Variants in ARHGAP44 observed in about 807,000 individuals in gnomAD.
ARHGAP44 encodes the protein rho GTPase-activating protein 44.
ARHGAP44 carries 43 observed loss-of-function variants against 106.8 expected under a neutral mutation model. That is an observed-to-expected ratio of 0.40 (90% CI 0.32 to 0.52). The LOEUF is 0.52. Ranked by LOEUF, ARHGAP44 falls within the 20% of genes least tolerant of loss-of-function variation. The pLI is 0.48. For synonymous variants in ARHGAP44, 439 were observed against 410.3 expected, an observed-to-expected ratio of 1.07 and a Z score of -0.85; for missense variants, 866 against 1,050.5, an observed-to-expected ratio of 0.82 and a Z score of 2.43.
chr17:12,945,694 G>A (rs576740103), intron 10 of ARHGAP44, among the ~76,000 whole-genome samples: 2 of 152,256 alleles, frequency 1.3e-5, no homozygotes, highest in Non-Finnish European at 2.9e-5. Context: ...TGTTCTAGAT[G>A]CTGGAAATTC....
At chr17:12,849,371 C>T (rs2035670262) in intron 1 of ARHGAP44, among the ~76,000 whole-genome samples, 1 of 152,028 alleles carries the variant, frequency 6.6e-6, no homozygotes, top group South Asian at 2.1e-4. Context: ...CAGCCTGACC[C>T]GTACCAATCT....
intron 16 of ARHGAP44, among the ~76,000 whole-genome samples, chr17:12,961,771 G>A (rs190482488): frequency 1.3e-5 from 2 of 152,320 alleles, no homozygotes; most frequent in East Asian, 3.9e-4. Flanking sequence ...GGTCTTACCG[G>A]TTTAGGGTGG....
chr17:12,818,859 A>G (rs920967622), intron 1 of ARHGAP44, among the ~76,000 whole-genome samples: 5 of 151,988 alleles, frequency 3.3e-5, no homozygotes, highest in African/African-American at 9.7e-5. Flanking sequence ...ATATTGATCT[A>G]TAGGTTTCGT....
chr17:12,876,943 T>C (rs1428079170), intron 1 of ARHGAP44, among the ~76,000 whole-genome samples: 3 of 151,802 alleles, frequency 2.0e-5, no homozygotes, highest in African/African-American at 7.3e-5. Flanking sequence ...AAAAGATATT[T>C]TGATAGTCCA....
At chr17:12,966,095 G>A (rs567051339) in intron 16 of ARHGAP44, among the ~76,000 whole-genome samples, 14 of 150,650 alleles carry the variant, frequency 9.3e-5, no homozygotes, top group African/African-American at 2.0e-4. Flanking sequence ...GGTGGAGGCT[G>A]TAGAGAGCTG....
At chr17:12,884,980 AACCTCC>A (rs2036841666) in intron 1 of ARHGAP44, among the ~76,000 whole-genome samples, 2 of 152,088 alleles carry the variant, frequency 1.3e-5, no homozygotes, top group Admixed American at 1.3e-4. Flanking sequence ...AGCTCACTGC[AACCTCC>A]ACCTCCTGGG....
rs1330560234 is a variant in ARHGAP44 at position 12,802,958 on chromosome 17, TATATATATA to T, written c.53+13068_53+13076del. 9.1e-3 allele frequency among the ~76,000 whole-genome samples: 267 copies of T among 29,248 alleles called. 2 individuals are homozygous for T. Among genetic ancestry groups the T allele is most frequent in the African/African-American group, 0.026 (72 of 2,798 alleles). 19.2% of individuals were successfully genotyped at this position (29,248 alleles called of 152,430 possible). A position where few individuals can be genotyped will look rare whatever the true frequency, so the allele number is the denominator to read the frequency against. Reference sequence around the variant, plus strand: ...ATATATATATATATATATATATATATATATATATATATTTTTTTTTTTTTTTTTTTTTGA... The same window carrying T: ...ATATATATATATATATATATATATATTATTTTTTTTTTTTTTTTTTTTTGA... On this transcript the variant is annotated intron_variant, in intron 1 of 20. Coordinates refer to ENST00000379672, the MANE Select transcript of ARHGAP44 (RefSeq NM_014859.6).
intron 13 of ARHGAP44, among the ~76,000 whole-genome samples, chr17:12,954,151 G>A (rs779621714): frequency 2.0e-5 from 3 of 151,834 alleles, no homozygotes; most frequent in Non-Finnish European, 4.4e-5. Context: ...GCCCGCCTCG[G>A]CCTCCCAAAG....
chr17:12,905,693 T>C (rs2037525849), intron 3 of ARHGAP44, among the ~76,000 whole-genome samples: 1 of 152,244 alleles, frequency 6.6e-6, no homozygotes, highest in Non-Finnish European at 1.5e-5. Flanking sequence ...ACTCTTGGAC[T>C]ATCAGAAGTC....
At chr17:12,796,646 G>C (rs1286373853) in intron 1 of ARHGAP44, among the ~76,000 whole-genome samples, 1 of 151,592 alleles carries the variant, frequency 6.6e-6, no homozygotes, top group Non-Finnish European at 1.5e-5. Flanking sequence ...ACCCAGCCTG[G>C]AGTGCGGTGG....
intron 1 of ARHGAP44, among the ~76,000 whole-genome samples, chr17:12,794,600 G>A (rs548656638): frequency 1.1e-3 from 162 of 152,262 alleles, no homozygotes; most frequent in African/African-American, 3.8e-3. Flanking sequence ...GGAAGGAGAA[G>A]GCTGGTTGGG....
chr17:12,929,119 G>T, intron 7 of ARHGAP44, 73 bp downstream of exon 7: 1 of 1,375,018 alleles, frequency 7.3e-7, no homozygotes, highest in Non-Finnish European at 1.0e-6. Context: ...TTGTTCACTG[G>T]AGTTCTCTTA....
intron 1 of ARHGAP44, among the ~76,000 whole-genome samples, chr17:12,883,366 ATAT>A (rs2150902382): frequency 6.6e-6 from 1 of 151,328 alleles, no homozygotes; most frequent in African/African-American, 2.4e-5. Context: ...GATTTTTACT[ATAT>A]TATTAGTTTC....
chr17:12,976,493 G>A (rs1198891752), intron 18 of ARHGAP44, among the ~76,000 whole-genome samples: 1 of 151,088 alleles, frequency 6.6e-6, no homozygotes, highest in Non-Finnish European at 1.5e-5. Context: ...TATGTCTATA[G>A]TCCCAGCTAC....
chr17:12,793,077 A>G (rs2150750780), intron 1 of ARHGAP44, among the ~76,000 whole-genome samples: 1 of 152,328 alleles, frequency 6.6e-6, no homozygotes, highest in East Asian at 1.9e-4. Context: ...CCACTGGGAC[A>G]GGTTTAGTTT....
chr17:12,924,134 C>T lies in ARHGAP44; in HGVS notation c.464+4303C>T, dbSNP rs137890312. On this transcript the variant is annotated intron_variant, in intron 6 of 20. Transcript: ENST00000379672. ...AGTAGATTTGTATATATTATCAGCACATCTTGAACAATAGTCCCATGACTG... is the reference window on the plus strand; with the variant it reads ...AGTAGATTTGTATATATTATCAGCATATCTTGAACAATAGTCCCATGACTG... Among the ~76,000 whole-genome samples, 82 of 152,342 alleles carry T rather than the reference C, an allele frequency of 5.4e-4. 1 individual carries two copies. The highest frequency in any genetic ancestry group is 1.7e-3 in the African/African-American group (71 of 41,592).
intron 1 of ARHGAP44, among the ~76,000 whole-genome samples, chr17:12,813,635 A>C (rs754198862): frequency 2.0e-5 from 3 of 152,156 alleles, no homozygotes; most frequent in Non-Finnish European, 4.4e-5. Flanking sequence ...AGTTACAAAA[A>C]ACCAGCTTGA....
chr17:12,907,678 A>G (rs1361134452), intron 3 of ARHGAP44, among the ~76,000 whole-genome samples: 1 of 152,120 alleles, frequency 6.6e-6, no homozygotes, highest in East Asian at 1.9e-4. Flanking sequence ...ATAATGTTCC[A>G]TTTTATGGAT....
intron 3 of ARHGAP44, among the ~76,000 whole-genome samples, chr17:12,903,127 GAGAGAGAGAGA>G (rs2037436848): frequency 3.7e-5 from 1 of 26,950 alleles, no homozygotes; most frequent in Admixed American, 3.6e-4. Context: ...AGAGAGAGAG[GAGAGAGAGAGA>G]GAGTGTGTGT....
Sources: gnomAD v4.1 joint callset for allele counts (sites outside exome capture counted in the v4.1 genomes callset) on GRCh38, gnomAD v4.1.1 for gene constraint, MANE v1.5 for transcripts, NCBI Gene and HGNC (gene_info 2026-07-23, HGNC 2026-07-21) for gene names.